Variants in CIAO3 observed in about 807,000 individuals in gnomAD.
CIAO3 encodes the protein cytosolic iron-sulfur assembly component 3.
In CIAO3, 45 loss-of-function variants were observed where a neutral mutation model predicts 51.5. The observed-to-expected ratio is 0.87, with a 90% CI of 0.69 to 1.12. CIAO3 has a LOEUF of 1.12. Among genes scored for constraint, CIAO3 ranks in the 50% most tolerant of loss-of-function variants. The pLI, the probability that CIAO3 is intolerant of heterozygous loss-of-function variation, is 0.00. For synonymous variants in CIAO3, 314 were observed against 269.3 expected, an observed-to-expected ratio of 1.17 and a Z score of -1.63; for missense variants, 668 against 632.5, an observed-to-expected ratio of 1.06 and a Z score of -0.60.
In CIAO3 at chr16:730,317, A is replaced by G. The variant is rs2041259268; in HGVS notation, c.*100T>C. 2.1e-5 allele frequency: 26 copies of G among 1,224,400 alleles called. No individual in the cohort carries two copies. The highest frequency in any genetic ancestry group is 1.9e-5 in the Non-Finnish European group (16 of 858,066). 75.8% of individuals were successfully genotyped at this position (1,224,400 alleles called of 1,614,324 possible). On this transcript the variant is annotated 3_prime_UTR_variant, in exon 11 of 11. Coordinates refer to ENST00000251588, the MANE Select transcript of CIAO3 (RefSeq NM_022493.3). ...CTACTCGGGTCCCAGCACACCCTGC[A>G]GCTCACTCAGAATTTTGGGGGAAGC...
At chr16:732,809 C>T (rs1443044463) in intron 7 of CIAO3, 9 of 324,546 alleles carry the variant, frequency 2.8e-5, no homozygotes, top group African/African-American at 1.3e-4. Flanking sequence ...GGCTAATTTT[C>T]GTATTTTTAG....
At chr16:732,169 C>T (rs982647382) in intron 8 of CIAO3, 132 bp downstream of exon 8, 23 of 955,070 alleles carry the variant, frequency 2.4e-5, no homozygotes, top group South Asian at 3.1e-5. Context: ...TGAGCTACTG[C>T]GCCTGGCTAT....
At chr16:733,907 G>A (rs1245338315) in intron 6 of CIAO3, 5 of 407,544 alleles carry the variant, frequency 1.2e-5, no homozygotes, top group African/African-American at 8.2e-5. Flanking sequence ...CTGGGCCTCA[G>A]GTGGGGGTCG....
At position 740,981 on chromosome 16, in the gene CIAO3, G is replaced by A. The variant is rs2041385173; in HGVS notation, c.5C>T (p.Ala2Val). 6.6e-6 allele frequency: 10 copies of A among 1,507,734 alleles called. No individual in the cohort carries two copies. The highest frequency in any genetic ancestry group is 8.8e-6 in the Non-Finnish European group (10 of 1,131,222). The allele number at this position is 1,507,734 out of a possible 1,614,324, so 93.4% of individuals were successfully genotyped here. M[A>V]SPFSGALQLT... is the part of the protein sequence containing the mutation. ...CTGCAGCGCCCCGCTGAAGGGCGACGCCATGACGGCCGCACTGCCGCCGCG... is the reference window on the plus strand; with the variant it reads ...CTGCAGCGCCCCGCTGAAGGGCGACACCATGACGGCCGCACTGCCGCCGCG... The change falls in exon 1 of 11, where the codon GCG becomes GTG. Residue 2 changes from alanine (A) to valine (V), a missense_variant. Ala to Val is a moderately conservative substitution (Grantham distance 64). Coordinates refer to ENST00000251588, the MANE Select transcript of CIAO3 (RefSeq NM_022493.3).
At position 732,533 on chromosome 16, in the gene CIAO3, C is replaced by T. The variant is rs774742445; in HGVS notation, c.824-160G>A. The T allele has an allele frequency of 5.8e-5, 46 of 796,086 alleles. No homozygotes were observed. The Middle Eastern group carries it at 1.3e-3, about 23-fold the overall frequency. The allele number at this position is 796,086 out of a possible 1,614,324, so 49.3% of individuals were successfully genotyped here. ...GGTGGGGAGGCCAGGCCCGGTCACT[C>T]CTGAAGCCCCTCTGGAGGCTGCCTG... is the stretch of plus-strand genomic sequence containing the variant. On this transcript the variant is annotated intron_variant, in intron 7 of 10. Transcript: ENST00000251588.
chr16:730,239 G>A lies in CIAO3; in HGVS notation c.*178C>T. 1.5e-6 allele frequency: 1 copy of A among 647,184 alleles called. No homozygotes were observed. Among genetic ancestry groups the A allele is most frequent in the South Asian group, 1.9e-5 (1 of 52,074 alleles). The allele number at this position is 647,184 out of a possible 1,614,324, so 40.1% of individuals were successfully genotyped here. On this transcript the variant is annotated 3_prime_UTR_variant, in exon 11 of 11. Coordinates refer to ENST00000251588, the MANE Select transcript of CIAO3 (RefSeq NM_022493.3). ...TGGGCAGAGCCAGTGGGAACCCAGA[G>A]GCACCCAACTGGAGGTGACGAGGCG...
Position 734,147 on chromosome 16 carries a change from C to T in CIAO3, c.693+82G>A, listed in dbSNP as rs140232946. ...CACAGCACAGCGAGGACTCTGTTTC[C>T]TGCAGCCTCATGGCAAGAGGCCAGC... On this transcript the variant is annotated intron_variant, in intron 6 of 10. Transcript: ENST00000251588. 1.3e-3 allele frequency: 1,689 copies of T among 1,252,430 alleles called. 20 individuals carry two copies. The African/African-American group carries it at 0.022, about 16-fold the overall frequency. 77.6% of individuals were successfully genotyped at this position (1,252,430 alleles called of 1,614,324 possible). A position where few individuals can be genotyped will look rare whatever the true frequency, so the allele number is the denominator to read the frequency against.
At chr16:734,389 G>A in intron 5 of CIAO3, 42 bp from the exon 6 acceptor site, 1 of 1,411,248 alleles carries the variant, frequency 7.1e-7, no homozygotes. Flanking sequence ...GGGGCGCACG[G>A]CGGCCCCCGC....
Position 732,372 on chromosome 16 carries a change from T to C in CIAO3, c.825A>G (p.Gly275=), listed in dbSNP as rs1326296778. The change falls in exon 8 of 11, where the codon GGA becomes GGG. Residue 275 remains glycine, a splice_region_variant and synonymous_variant. Coordinates refer to ENST00000251588, the MANE Select transcript of CIAO3 (RefSeq NM_022493.3). ...CTTCCTCCAGCAACCTGAAAACTTCTCCTGCAAAGAAGCCACAGCGCAGAC... is the reference window on the plus strand; with the variant it reads ...CTTCCTCCAGCAACCTGAAAACTTCCCCTGCAAAGAAGCCACAGCGCAGAC... ...TRDVDCVLTT[G]EVFRLLEEEG... is the part of the protein sequence containing the mutation. The C allele has an allele frequency of 8.7e-6, 14 of 1,612,576 alleles. No homozygotes were observed. The highest frequency in any genetic ancestry group is 1.2e-5 in the Non-Finnish European group (14 of 1,179,828).
intron 1 of CIAO3, 117 bp downstream of exon 1, chr16:740,803 G>A: frequency 1.8e-6 from 2 of 1,110,884 alleles, no homozygotes; most frequent in Non-Finnish European, 1.3e-6. Context: ...GGCCCAGACC[G>A]GGCTCCCGGG....
Position 736,386 on chromosome 16 carries a change from TG to T in CIAO3, c.318del (p.Ser107ValfsTer7). 1.9e-6 allele frequency: 3 copies of T among 1,612,878 alleles called. No homozygotes were observed. Among genetic ancestry groups the T allele is most frequent in the Non-Finnish European group, 2.5e-6 (3 of 1,179,820 alleles). On this transcript the variant is annotated frameshift_variant, in exon 4 of 11. Transcript: ENST00000251588. LOFTEE classifies it high-confidence loss of function. ...GAAACTACAACCAGCCTCTGCTGAC[TG>T]GGTGCCGCCATCTGCAAAGCAAGGG... ...KVLDANKMAA[P>X]SQQRLVVVSV...
rs139262970 is a variant in CIAO3, at chr16:736,524, T to C, written c.307-126A>G. On this transcript the variant is annotated intron_variant, in intron 3 of 10. Transcript: ENST00000251588. ...GGCCAGCTCCATCAAGAGTCTTTTT[T>C]TTTTTTTTAACACAGAGTCTCACTC... The C allele has an allele frequency of 2.4e-3, 2,999 of 1,237,460 alleles. 45 individuals carry two copies. The East Asian group carries it at 0.031, about 13-fold the overall frequency. 76.7% of individuals were successfully genotyped at this position (1,237,460 alleles called of 1,614,324 possible).
In CIAO3 at chr16:740,878, C is replaced by G. The variant is rs974222833; in HGVS notation, c.66+42G>C. ...AGCAATTTCCCTCCGCGCGACAGGG[C>G]ACCGAGCGCAGCCTCGACCCCGCCC... is the stretch of plus-strand genomic sequence containing the variant. On this transcript the variant is annotated intron_variant, in intron 1 of 10. Transcript: ENST00000251588. 2.7e-6 allele frequency: 4 copies of G among 1,507,390 alleles called. No homozygotes were observed. In the African/African-American group the frequency reaches 4.2e-5, roughly 16 times the overall value. The allele number at this position is 1,507,390 out of a possible 1,614,324, so 93.4% of individuals were successfully genotyped here. A position where few individuals can be genotyped will look rare whatever the true frequency, so the allele number is the denominator to read the frequency against.
Position 737,315 on chromosome 16 carries a change from C to T in CIAO3, c.177G>A (p.Arg59=). The T allele has an allele frequency of 6.2e-7, 1 of 1,613,138 alleles. No homozygotes were observed. The highest frequency in any genetic ancestry group is 1.1e-5 in the South Asian group (1 of 91,086). Reference sequence around the variant, plus strand: ...GCGAGACCTTGGCCTTCTCCAGCCTCCGGGTCCCGCCGTCCTACAAGGGAG... The same window carrying T: ...GCGAGACCTTGGCCTTCTCCAGCCTTCGGGTCCCGCCGTCCTACAAGGGAG... ...YFQINQDGGT[R]RLEKAKVSLN... The change falls in exon 3 of 11, where the codon CGG becomes CGA. Residue 59 remains arginine, a synonymous_variant. Transcript: ENST00000251588. The surrounding 1 kb of genome is among the most constrained non-coding windows in gnomAD (Gnocchi z 5.3).
rs951943981 is a variant in CIAO3, at chr16:729,998, T to C, written c.*419A>G. On this transcript the variant is annotated 3_prime_UTR_variant, in exon 11 of 11. Coordinates refer to ENST00000251588, the MANE Select transcript of CIAO3 (RefSeq NM_022493.3). ...GCAGGTCCAGCTCTGTCTCCCACCT[T>C]TTGCACAGAGCTTCAAGGGAAGCCT... 1.7e-4 allele frequency: 56 copies of C among 337,538 alleles called. No homozygotes were observed. In the Admixed American group the frequency reaches 2.5e-3, roughly 15 times the overall value. 20.9% of individuals were successfully genotyped at this position (337,538 alleles called of 1,614,324 possible).
intron 5 of CIAO3, 135 bp downstream of exon 5, chr16:734,602 C>G: frequency 6.7e-7 from 1 of 1,500,204 alleles, no homozygotes; most frequent in Non-Finnish European, 9.2e-7. Context: ...TTTGTGCCAA[C>G]ATTTCCAACC....
At chr16:733,199 C>T (rs558222907) in intron 7 of CIAO3, 99 bp downstream of exon 7, 7 of 1,469,504 alleles carry the variant, frequency 4.8e-6, no homozygotes, top group South Asian at 2.5e-5. Context: ...CCAGCCAGGG[C>T]CCCCACAGGC....
intron 2 of CIAO3, chr16:739,374 G>T: frequency 1.9e-6 from 1 of 523,506 alleles, no homozygotes; most frequent in South Asian, 2.1e-5. Flanking sequence ...GAACTAGGGG[G>T]AACAGGCAGA....
At chr16:734,093 C>A (rs1751525766) in intron 6 of CIAO3, 136 bp downstream of exon 6, 3 of 773,304 alleles carry the variant, frequency 3.9e-6, no homozygotes, top group Non-Finnish European at 6.7e-6. Flanking sequence ...CAGGAGGGAA[C>A]AAGGGTGGAG....
Sources: allele counts gnomAD v4.1 joint callset, GRCh38; gene constraint gnomAD v4.1.1; non-coding constraint Gnocchi (gnomAD v3.1); transcripts MANE v1.5; gene names NCBI Gene and HGNC (gene_info 2026-07-23, HGNC 2026-07-21).